Variants in CCDC60 observed in about 807,000 individuals in gnomAD.
CCDC60 encodes the protein coiled-coil domain-containing protein 60.
In CCDC60, 54 loss-of-function variants were observed where a neutral mutation model predicts 63.5. The ratio of observed to expected loss-of-function variants is 0.85; its 90% CI spans 0.68 to 1.07. The LOEUF (loss-of-function observed/expected upper bound fraction) is 1.07, where lower values mean the gene tolerates loss of function less well. Among genes scored for constraint, CCDC60 ranks in the 50% least tolerant of loss-of-function variants. The probability of loss-of-function intolerance (pLI) is 0.00; values close to 1 mark genes in which losing one functional copy is unlikely to be tolerated. For missense variants in CCDC60, 651 were observed against 684.3 expected (o/e 0.95, Z 0.54); for synonymous variants, 206 against 238.8 (o/e 0.86, Z 1.27).
At chr12:119,363,857 G>A (rs930864504) in intron 1 of CCDC60, among the ~76,000 whole-genome samples, 2 of 152,136 alleles carry the variant, frequency 1.3e-5, no homozygotes, top group Non-Finnish European at 2.9e-5. Flanking sequence ...GCAGATTCTT[G>A]GGTTTTGGTG....
chr12:119,514,731 GCAGCC>G lies in CCDC60; in HGVS notation c.884-1891_884-1887del, dbSNP rs534390437. 2.0e-3 allele frequency among the ~76,000 whole-genome samples: 309 copies of G among 152,158 alleles called. 1 individual carries two copies. The Middle Eastern group carries it at 0.027, about 13-fold the overall frequency. On this transcript the variant is annotated intron_variant, in intron 7 of 13. Coordinates refer to ENST00000327554, the MANE Select transcript of CCDC60 (RefSeq NM_178499.5). Reference sequence around the variant, plus strand: ...GAAAAATATTTTTAGTAAATTTACTGCAGCCTAAGTGTACAGTGTTTATAAAGTCC... The same window carrying G: ...GAAAAATATTTTTAGTAAATTTACTGTAAGTGTACAGTGTTTATAAAGTCC...
chr12:119,447,458 C>T (rs1051142174), intron 2 of CCDC60, among the ~76,000 whole-genome samples: 13 of 152,226 alleles, frequency 8.5e-5, no homozygotes, highest in African/African-American at 2.6e-4. Context: ...TGCCTTATTC[C>T]ATTGTCTGTT....
At chr12:119,367,067 A>T (rs1445097167) in intron 1 of CCDC60, among the ~76,000 whole-genome samples, 1 of 152,124 alleles carries the variant, frequency 6.6e-6, no homozygotes, top group East Asian at 1.9e-4. Context: ...TCCTGACCTC[A>T]AGTGATCCAC....
At chr12:119,464,097 G>A (rs1191191048) in intron 2 of CCDC60, among the ~76,000 whole-genome samples, 2 of 122,044 alleles carry the variant, frequency 1.6e-5, no homozygotes, top group African/African-American at 6.6e-5. Flanking sequence ...TATTTAATTC[G>A]TAATTGGTTA....
At chr12:119,461,652 T>G (rs950109349) in intron 2 of CCDC60, among the ~76,000 whole-genome samples, 9 of 152,188 alleles carry the variant, frequency 5.9e-5, no homozygotes, top group African/African-American at 1.4e-4. Flanking sequence ...ATAATCTGCT[T>G]TTTCCTCCTC....
chr12:119,343,660 CTATATATA>C (rs60934414), intron 1 of CCDC60, among the ~76,000 whole-genome samples: 4 of 141,120 alleles, frequency 2.8e-5, no homozygotes, highest in Non-Finnish European at 4.6e-5. Flanking sequence ...GAAAGGCAAA[CTATATATA>C]TATATATATA....
In CCDC60 at chr12:119,522,991, A is replaced by G. The variant is rs776102765; in HGVS notation, c.1093A>G (p.Lys365Glu). ...AAGCCACATCCAACCAGTCCAGAAG[A>G]AGTCTAAAAAGTAAGCCAGGAGGGC... ...AESHIQPVQK[K>E]SKNRTNCDIN... The change falls in exon 10 of 14, where the codon AAG (lysine) becomes GAG (glutamate). Residue 365 changes from lysine to glutamate, a missense_variant. Transcript: ENST00000327554. 3.7e-6 allele frequency: 6 copies of G among 1,614,076 alleles called. No individual in the cohort carries two copies. Among genetic ancestry groups the G allele is most frequent in the Non-Finnish European group, 5.1e-6 (6 of 1,179,926 alleles).
At chr12:119,490,731 C>T (rs917550384) in intron 5 of CCDC60, among the ~76,000 whole-genome samples, 1 of 151,942 alleles carries the variant, frequency 6.6e-6, no homozygotes, top group Non-Finnish European at 1.5e-5. Context: ...CACCTGCCAT[C>T]ATACCTGGCT....
intron 1 of CCDC60, among the ~76,000 whole-genome samples, chr12:119,403,088 T>C (rs2136181028): frequency 6.6e-6 from 1 of 152,324 alleles, no homozygotes; most frequent in East Asian, 1.9e-4. Context: ...CTTTACCAAG[T>C]TGATGGCCAA....
At chr12:119,436,046 A>C (rs1291307609) in intron 2 of CCDC60, among the ~76,000 whole-genome samples, 1 of 152,224 alleles carries the variant, frequency 6.6e-6, no homozygotes, top group Non-Finnish European at 1.5e-5. Flanking sequence ...TTGAGCTTTA[A>C]GTTAGGAACT....
chr12:119,343,802 A>C (rs1048596530), intron 1 of CCDC60, among the ~76,000 whole-genome samples: 3 of 151,932 alleles, frequency 2.0e-5, no homozygotes, highest in Non-Finnish European at 4.4e-5. Context: ...ACACTGAGCC[A>C]AACCTAGAAC....
chr12:119,509,797 G>A (rs1214824206), intron 7 of CCDC60, among the ~76,000 whole-genome samples: 1 of 152,004 alleles, frequency 6.6e-6, no homozygotes, highest in African/African-American at 2.4e-5. Context: ...AGAACATTGG[G>A]GCACAGAGAG....
At chr12:119,409,876 T>C (rs987643380) in intron 1 of CCDC60, among the ~76,000 whole-genome samples, 1 of 152,058 alleles carries the variant, frequency 6.6e-6, no homozygotes, top group African/African-American at 2.4e-5. Context: ...TCTCTCTCTC[T>C]GCCCTCTTTT....
Position 119,540,923 on chromosome 12 carries a change from A to T in CCDC60, c.*208A>T. ...GGCCCTCCCCTCAATTCCACACCCC[A>T]GACCCAACCTACCAGTCTCTGTTCT... On this transcript the variant is annotated 3_prime_UTR_variant, in exon 14 of 14. Transcript: ENST00000327554. 1 of 504,654 alleles carries T rather than the reference A, an allele frequency of 2.0e-6. No individual in the cohort carries two copies. Among genetic ancestry groups the T allele is most frequent in the South Asian group, 2.8e-5 (1 of 35,398 alleles). The allele number at this position is 504,654 out of a possible 1,614,324, so 31.3% of individuals were successfully genotyped here. A position where few individuals can be genotyped will look rare whatever the true frequency, so the allele number is the denominator to read the frequency against.
intron 2 of CCDC60, among the ~76,000 whole-genome samples, chr12:119,451,138 G>A (rs1199667150): frequency 2.0e-5 from 3 of 152,192 alleles, no homozygotes; most frequent in Non-Finnish European, 2.9e-5. Context: ...TCCAGCCAAC[G>A]TGAAGGGAGG....
rs79545846 is a variant in CCDC60 at position 119,356,442 on chromosome 12, T to A, written c.90+21176T>A. ...TTCATTTTCTAGAGTTCCTCACCCA[T>A]CTAATGCCATATTTCTTTCTAGAGA... On this transcript the variant is annotated intron_variant, in intron 1 of 13. Transcript: ENST00000327554. 8.0e-3 allele frequency among the ~76,000 whole-genome samples: 1,224 copies of A among 152,324 alleles called. 15 individuals are homozygous for A. The highest frequency in any genetic ancestry group is 0.028 in the African/African-American group (1,164 of 41,560).
intron 2 of CCDC60, among the ~76,000 whole-genome samples, chr12:119,451,024 G>T (rs1950625396): frequency 6.6e-6 from 1 of 152,154 alleles, no homozygotes; most frequent in Non-Finnish European, 1.5e-5. Flanking sequence ...TGGCCCTTGT[G>T]CAGGGGAGAG....
intron 1 of CCDC60, among the ~76,000 whole-genome samples, chr12:119,373,603 G>C (rs1389525252): frequency 7.5e-6 from 1 of 132,522 alleles, no homozygotes; most frequent in Non-Finnish European, 1.5e-5. Context: ...GAAAGTTTAT[G>C]CTTTAGTTTT....
chr12:119,534,689 G>A (rs186178246), intron 13 of CCDC60, among the ~76,000 whole-genome samples: 3 of 152,062 alleles, frequency 2.0e-5, no homozygotes, highest in East Asian at 3.9e-4. Context: ...GGTTTTTGTC[G>A]ATGGTTCTGT....
Sources: allele counts gnomAD v4.1 joint callset (sites outside exome capture counted in the v4.1 genomes callset), GRCh38; gene constraint gnomAD v4.1.1; transcripts MANE v1.5; gene names NCBI Gene and HGNC (gene_info 2026-07-23, HGNC 2026-07-21).